Variants in NNT observed in about 807,000 individuals in gnomAD.
The protein encoded by NNT is nicotinamide nucleotide transhydrogenase, also known as NAD(P) transhydrogenase, mitochondrial.
In NNT, 50 loss-of-function variants were observed where a neutral mutation model predicts 104.8. That is an observed-to-expected ratio of 0.48 (90% CI 0.38 to 0.60). The LOEUF (loss-of-function observed/expected upper bound fraction) is 0.60, where lower values mean the gene tolerates loss of function less well. Among genes scored for constraint, NNT ranks in the 20% least tolerant of loss-of-function variants. The pLI, the probability that NNT is intolerant of heterozygous loss-of-function variation, is 0.00. For missense variants in NNT, 1,131 were observed against 1,330.7 expected (o/e 0.85, Z 2.33); for synonymous variants, 461 against 490.4 (o/e 0.94, Z 0.79).
chr5:43,621,693 C>G (rs934110049), intron 5 of NNT, among the ~76,000 whole-genome samples: 1 of 152,090 alleles, frequency 6.6e-6, no homozygotes, highest in Non-Finnish European at 1.5e-5. Context: ...GCATGAGCCA[C>G]TGCACCTGGC....
intron 16 of NNT, among the ~76,000 whole-genome samples, chr5:43,658,970 A>AG (rs1239245174): frequency 6.6e-6 from 1 of 151,308 alleles, no homozygotes; most frequent in Non-Finnish European, 1.5e-5. Context: ...ATTTTTTTTT[A>AG]GGGGGGTGGG....
At chr5:43,667,035 A>G (rs1740740710) in intron 17 of NNT, 1 of 1,596,612 alleles carries the variant, frequency 6.3e-7, no homozygotes, top group African/African-American at 1.3e-5. Context: ...GGGCACGTGC[A>G]CTCATGGCCT....
At chr5:43,606,995 GT>G (rs140893518) in intron 1 of NNT, among the ~76,000 whole-genome samples, 71,162 of 149,478 alleles carry the variant, frequency 0.48, 17,498 homozygotes, top group Middle Eastern at 0.62. Flanking sequence ...TTGTTTTTTT[GT>G]TTTTTTTTTG....
chr5:43,700,615 G>C (rs541047788), intron 20 of NNT, among the ~76,000 whole-genome samples: 1 of 152,252 alleles, frequency 6.6e-6, no homozygotes, highest in Admixed American at 6.5e-5. Flanking sequence ...ATAATTTAGT[G>C]TCTGATTCTT....
rs1245304930 is a variant in NNT, at chr5:43,644,632, A to G, written c.1120A>G (p.Thr374Ala). 3 of 1,613,866 alleles carry G rather than the reference A, an allele frequency of 1.9e-6. No homozygotes were observed. Among genetic ancestry groups the G allele is most frequent in the South Asian group, 2.2e-5 (2 of 91,026 alleles). ...IHKGITHIGY[T>A]DLPSRMATQA... ...TTAGGGAATTACTCACATAGGCTAC[A>G]CAGACCTGCCCAGCCGAATGGCCAC... The change falls in exon 9 of 22, where the codon ACA becomes GCA. Residue 374 changes from threonine (T) to alanine (A), a missense_variant. Coordinates refer to ENST00000344920, the MANE Select transcript of NNT (RefSeq NM_182977.3).
chr5:43,644,018 T>C (rs1380408125), intron 7 of NNT, among the ~76,000 whole-genome samples, 174 bp from the exon 8 acceptor site: 1 of 152,242 alleles, frequency 6.6e-6, no homozygotes, highest in East Asian at 1.9e-4. Flanking sequence ...ACACTCATCA[T>C]ATATTTTTCT....
intron 17 of NNT, among the ~76,000 whole-genome samples, chr5:43,673,526 G>A (rs1480518382): frequency 1.3e-5 from 2 of 152,070 alleles, no homozygotes; most frequent in African/African-American, 4.8e-5. Context: ...CAAAAATTTG[G>A]TAGAACATAT....
chr5:43,675,703 A>C (rs776600842), intron 18 of NNT, 33 bp downstream of exon 18: 1 of 1,479,042 alleles, frequency 6.8e-7, no homozygotes, highest in Admixed American at 2.2e-5. Flanking sequence ...AATAACCTAT[A>C]ATAGCTGTTA....
chr5:43,692,392 C>G (rs1742334092), intron 19 of NNT, among the ~76,000 whole-genome samples: 1 of 152,100 alleles, frequency 6.6e-6, no homozygotes, highest in African/African-American at 2.4e-5. Flanking sequence ...GGCGCGATCC[C>G]AGCTCACTGC....
intron 7 of NNT, among the ~76,000 whole-genome samples, chr5:43,638,412 G>A (rs1580011927): frequency 6.6e-6 from 1 of 152,130 alleles, no homozygotes; most frequent in Non-Finnish European, 1.5e-5. Context: ...ACAATACTCA[G>A]TGCAACATTA....
intron 11 of NNT, among the ~76,000 whole-genome samples, 195 bp from the exon 12 acceptor site, chr5:43,650,282 T>A (rs1424132045): frequency 6.6e-6 from 1 of 152,244 alleles, no homozygotes; most frequent in Non-Finnish European, 1.5e-5. Context: ...GAGAATGATG[T>A]GAAGATGTGT....
At chr5:43,663,234 C>T (rs1255792502) in intron 17 of NNT, among the ~76,000 whole-genome samples, 1 of 152,054 alleles carries the variant, frequency 6.6e-6, no homozygotes, top group African/African-American at 2.4e-5. Context: ...TTTCCTTCTT[C>T]TACATCCTTG....
At chr5:43,653,353 G>T in intron 14 of NNT, 140 bp downstream of exon 14, 1 of 766,188 alleles carries the variant, frequency 1.3e-6, no homozygotes, top group Non-Finnish European at 2.0e-6. Flanking sequence ...ATTCATTCCA[G>T]TTGGTGTAAT....
Position 43,655,975 on chromosome 5 carries a change from A to G in NNT, c.2195A>G (p.Asp732Gly), listed in dbSNP as rs1740023738. 1 of 1,614,160 alleles carries G rather than the reference A, an allele frequency of 6.2e-7. No homozygotes were observed. Among genetic ancestry groups the G allele is most frequent in the Middle Eastern group, 1.6e-4 (1 of 6,062 alleles). The change falls in exon 15 of 22, where the codon GAT (aspartate) becomes GGT (glycine). Residue 732 changes from aspartate to glycine, a missense_variant. Coordinates refer to ENST00000344920, the MANE Select transcript of NNT (RefSeq NM_182977.3). ...ATAGAATATCCACATTTTGCTACGGATGCAGCAGCAAATCTCACCAAGATT... is the reference window on the plus strand; with the variant it reads ...ATAGAATATCCACATTTTGCTACGGGTGCAGCAGCAAATCTCACCAAGATT... The part of the protein sequence containing the change: ...YIIEYPHFAT[D>G]AAANLTKIVA...
At chr5:43,658,123 A>T (rs961954926) in intron 16 of NNT, among the ~76,000 whole-genome samples, 1 of 152,192 alleles carries the variant, frequency 6.6e-6, no homozygotes, top group African/African-American at 2.4e-5. Context: ...TGACAAAGCA[A>T]GACTCTGTCT....
At position 43,705,101 on chromosome 5, in the gene NNT, A is replaced by G. The variant is rs996486777; in HGVS notation, c.*697A>G. ...AACATACAACTTGAAAATTAGTAAT[A>G]GTATTTTTGAAGATCCCATTTCTAA... is the stretch of plus-strand genomic sequence containing the variant. On this transcript the variant is annotated 3_prime_UTR_variant, in exon 22 of 22. Transcript: ENST00000344920. The G allele has an allele frequency of 6.6e-6, 1 of 152,142 alleles. No homozygotes were observed. The highest frequency in any genetic ancestry group is 1.5e-5 in the Non-Finnish European group (1 of 68,028). 9.4% of individuals were successfully genotyped at this position (152,142 alleles called of 1,614,324 possible).
In NNT at chr5:43,675,600, A is replaced by C. The variant is rs771915392; in HGVS notation, c.2724A>C (p.Thr908=). 6.2e-7 allele frequency: 1 copy of C among 1,613,442 alleles called. No homozygotes were observed. The highest frequency in any genetic ancestry group is 1.1e-5 in the South Asian group (1 of 90,968). The change falls in exon 18 of 22, where the codon ACA becomes ACC. Residue 908 remains threonine (T), a synonymous_variant. Coordinates refer to ENST00000344920, the MANE Select transcript of NNT (RefSeq NM_182977.3). ...GAAAACCCATGGAAATTTCTGGCACACATACGGAAATCAACCTTGACAATG... is the reference window on the plus strand; with the variant it reads ...GAAAACCCATGGAAATTTCTGGCACCCATACGGAAATCAACCTTGACAATG... The part of the protein sequence containing the change: ...AGGKPMEISG[T]HTEINLDNAI...
intron 17 of NNT, among the ~76,000 whole-genome samples, 194 bp from the exon 18 acceptor site, chr5:43,675,317 G>T (rs1049243918): frequency 6.6e-6 from 1 of 152,152 alleles, no homozygotes; most frequent in Non-Finnish European, 1.5e-5. Flanking sequence ...AGATAATGTG[G>T]TTCTCAGATA....
At chr5:43,665,717 A>G (rs562230217) in intron 17 of NNT, among the ~76,000 whole-genome samples, 1 of 139,230 alleles carries the variant, frequency 7.2e-6, no homozygotes, top group African/African-American at 2.4e-5. Flanking sequence ...CATCGTCATC[A>G]TGGCCCGTTC....
Sources: gnomAD v4.1 joint callset for allele counts (sites outside exome capture counted in the v4.1 genomes callset) on GRCh38, gnomAD v4.1.1 for gene constraint, MANE v1.5 for transcripts, NCBI Gene and HGNC (gene_info 2026-07-23, HGNC 2026-07-21) for gene names.